The following ARHGEF9 variants were observed in gnomAD, a reference collection of about 807,000 sequenced individuals.
The protein encoded by ARHGEF9 is Cdc42 guanine nucleotide exchange factor 9, also known as rho guanine nucleotide exchange factor 9.
Under a neutral mutation model 41.3 loss-of-function variants are expected in ARHGEF9, and 2 were observed. The ratio of observed to expected loss-of-function variants is 0.05; its 90% confidence interval spans 0.02 to 0.15. The LOEUF is 0.15. Among genes scored for constraint, ARHGEF9 ranks in the 10% least tolerant of loss-of-function variants. The probability of loss-of-function intolerance (pLI) is 1.00; values close to 1 mark genes in which losing one functional copy is unlikely to be tolerated. For synonymous variants in ARHGEF9, 160 were observed against 154.4 expected (o/e 1.04, Z -0.27); for missense variants, 225 against 424.7 (o/e 0.53, Z 4.13).
intron 1 of ARHGEF9, chrX:63,767,315 C>T: frequency 1.4e-6 from 1 of 689,959 alleles, no homozygotes; most frequent in Non-Finnish European, 2.3e-6. Flanking sequence ...TTTGATGAGG[C>T]TTCCAAGAAT....
At chrX:63,758,815 T>C (rs2055978817) in intron 1 of ARHGEF9, among the ~76,000 whole-genome samples, 1 of 112,292 alleles carries the variant, frequency 8.9e-6, no homozygotes, top group African/African-American at 3.2e-5. Flanking sequence ...TAAACTGTAT[T>C]GTATTTTTTT....
chrX:63,779,521 C>T (rs1164252709), intron 1 of ARHGEF9, among the ~76,000 whole-genome samples: 1 of 111,453 alleles, frequency 9.0e-6, no homozygotes, highest in East Asian at 2.8e-4. Flanking sequence ...ATTTGATTAC[C>T]TTCCCCCAGG....
In ARHGEF9 at chrX:63,636,551, T is replaced by C. The variant is rs1268498052; in HGVS notation, c.*1477A>G. The C allele has an allele frequency of 6.2e-6, 1 of 161,429 alleles. No homozygotes were observed. Among genetic ancestry groups the C allele is most frequent in the Non-Finnish European group, 1.2e-5 (1 of 85,969 alleles). The allele number at this position is 161,429 out of a possible 1,213,427, so 13.3% of individuals were successfully genotyped here. A position where few individuals can be genotyped will look rare whatever the true frequency, so the allele number is the denominator to read the frequency against. ...CCCCAAATGTCCTGGGATGAGAGGA[T>C]GTTGGAAACACGGCCTTCTTTGAGT... is the stretch of plus-strand genomic sequence containing the variant. On this transcript the variant is annotated 3_prime_UTR_variant, in exon 10 of 10. Coordinates refer to ENST00000671741, the MANE Select transcript of ARHGEF9 (RefSeq NM_001353921.2).
rs1338083128 is a variant in ARHGEF9, at chrX:63,644,455, TA to T, written c.1322-408del. On this transcript the variant is annotated intron_variant, in intron 8 of 9. Transcript: ENST00000671741. ...AATGTATATATAGATTATAAAAGTT[TA>T]AGAAGGAGGAAAAAATCAAATGGAA... is the stretch of plus-strand genomic sequence containing the variant. Among the ~76,000 whole-genome samples, 3 of 110,905 alleles carry T rather than the reference TA, an allele frequency of 2.7e-5. No individual in the cohort carries two copies. The Admixed American group carries it at 2.9e-4, about 11-fold the overall frequency.
chrX:63,728,625 T>C (rs191390678), intron 1 of ARHGEF9, among the ~76,000 whole-genome samples: 2 of 112,135 alleles, frequency 1.8e-5, no homozygotes, highest in East Asian at 5.6e-4. Flanking sequence ...CTATACAACC[T>C]TGGGTCTCAG....
intron 2 of ARHGEF9, among the ~76,000 whole-genome samples, chrX:63,707,859 C>T (rs1188239853): frequency 9.0e-6 from 1 of 111,563 alleles, no homozygotes; most frequent in Non-Finnish European, 1.9e-5. Flanking sequence ...GATTACCACT[C>T]AGTGAACTTA....
intron 2 of ARHGEF9, among the ~76,000 whole-genome samples, chrX:63,717,133 G>A (rs1556410662): frequency 9.0e-6 from 1 of 111,659 alleles, no homozygotes; most frequent in Non-Finnish European, 1.9e-5. Context: ...TATTATTATG[G>A]CTTTTTTCCC....
intron 8 of ARHGEF9, among the ~76,000 whole-genome samples, chrX:63,653,475 T>C (rs1403919566): frequency 1.8e-5 from 2 of 111,758 alleles, no homozygotes; most frequent in Admixed American, 1.9e-4. Context: ...CTCCTACAGG[T>C]TATGCCTCTT....
chrX:63,674,549 G>A, intron 5 of ARHGEF9, among the ~76,000 whole-genome samples: 1 of 111,575 alleles, frequency 9.0e-6, no homozygotes, highest in Non-Finnish European at 1.9e-5. Context: ...ATTCAGGGTG[G>A]GAGACTTTAT....
chrX:63,713,944 T>C (rs1290987147), intron 2 of ARHGEF9, among the ~76,000 whole-genome samples: 2 of 111,866 alleles, frequency 1.8e-5, no homozygotes, highest in African/African-American at 3.3e-5. Flanking sequence ...ATAAGAAGGC[T>C]GCTAACAAAT....
In ARHGEF9 at chrX:63,724,570, C is replaced by T. The variant is rs374489713; in HGVS notation, c.172G>A (p.Asp58Asn). 5.0e-6 allele frequency: 6 copies of T among 1,209,035 alleles called. No homozygotes were observed. Among genetic ancestry groups the T allele is most frequent in the East Asian group, 3.0e-5 (1 of 33,700 alleles). The change falls in exon 2 of 10, where the codon GAC (aspartate) becomes AAC (asparagine). Residue 58 changes from aspartate to asparagine, a missense_variant. By Grantham distance (23) the Asp-to-Asn change is conservative. This residue lies in a region of ARHGEF9 where 114 missense variants were observed against 197.9 expected (regional missense o/e 0.58). Coordinates refer to ENST00000671741, the MANE Select transcript of ARHGEF9 (RefSeq NM_001353921.2). ...SNKDWWWGQIDDEEGWFPASF... is the reference protein window; with the variant it reads ...SNKDWWWGQINDEEGWFPASF... ...GCAGGAAACCATCCCTCCTCATCGT[C>T]GATCTGGCCCCACCACCAATCCTTG...
At chrX:63,678,733 C>G (rs1169164696) in intron 4 of ARHGEF9, among the ~76,000 whole-genome samples, 161 bp from the exon 5 acceptor site, 1 of 111,985 alleles carries the variant, frequency 8.9e-6, no homozygotes, top group Admixed American at 9.4e-5. Context: ...AATATCAAAA[C>G]AAATTATTCA....
At chrX:63,732,013 T>G (rs1291041894) in intron 1 of ARHGEF9, 1 of 111,810 alleles carries the variant, frequency 8.9e-6, no homozygotes, top group Non-Finnish European at 1.9e-5. Context: ...CACCCTTCTT[T>G]GTGCTTGATA....
chrX:63,735,930 C>T (rs781905670), intron 1 of ARHGEF9, among the ~76,000 whole-genome samples: 1 of 112,140 alleles, frequency 8.9e-6, no homozygotes, highest in African/African-American at 3.2e-5. Context: ...AGAGAAAAGA[C>T]ATCCAGCCAA....
At chrX:63,715,582 C>G (rs782195354) in intron 2 of ARHGEF9, among the ~76,000 whole-genome samples, 1 of 112,239 alleles carries the variant, frequency 8.9e-6, no homozygotes, top group Admixed American at 9.4e-5. Flanking sequence ...TCTGATCCTC[C>G]AGGATAGTAC....
At chrX:63,753,825 C>T (rs1192138283) in intron 1 of ARHGEF9, among the ~76,000 whole-genome samples, 10 of 112,023 alleles carry the variant, frequency 8.9e-5, no homozygotes, top group Non-Finnish European at 1.9e-4. Context: ...CAGTCACCAA[C>T]TGCCAGCACA....
rs2047249739 is a variant in ARHGEF9 at position 63,635,093 on chromosome X, T to A, written c.*2935A>T. On this transcript the variant is annotated 3_prime_UTR_variant, in exon 10 of 10. Transcript: ENST00000671741. Reference sequence around the variant, plus strand: ...CACTTGTTTGACAGAGTCAGTCAGATAAAAGAAACAAAAGAATAAACTGGC... The same window carrying A: ...CACTTGTTTGACAGAGTCAGTCAGAAAAAAGAAACAAAAGAATAAACTGGC... The A allele has an allele frequency of 9.1e-6, 3 of 328,042 alleles. No individual in the cohort carries two copies. Among genetic ancestry groups the A allele is most frequent in the Admixed American group, 6.2e-5 (1 of 16,132 alleles). 27.0% of individuals were successfully genotyped at this position (328,042 alleles called of 1,213,427 possible).
In ARHGEF9 at chrX:63,665,979, G is replaced by A; in HGVS notation, c.984C>T (p.Tyr328=). ...DILDRSSELI[Y]TGEMAWIYQP... ...GGTAGATCCAGGCCATCTCCCCAGT[G>A]TAGATCAGCTCCGAGCTCCTGTCTA... is the stretch of plus-strand genomic sequence containing the variant. Residue 328 remains tyrosine (Y), a synonymous_variant, in exon 7 of 10, where the codon TAC becomes TAT. Coordinates refer to ENST00000671741, the MANE Select transcript of ARHGEF9 (RefSeq NM_001353921.2). 1 of 1,210,046 alleles carries A rather than the reference G, an allele frequency of 8.3e-7. No individual in the cohort carries two copies. The highest frequency in any genetic ancestry group is 1.1e-6 in the Non-Finnish European group (1 of 895,270).
intron 8 of ARHGEF9, chrX:63,644,414 G>T (rs1180775366): frequency 1.6e-5 from 2 of 123,699 alleles, no homozygotes; most frequent in African/African-American, 3.2e-5. Context: ...TGAGGCAAAA[G>T]ATAATTCAAA....
Sources: gnomAD v4.1 joint callset for allele counts (sites outside exome capture counted in the v4.1 genomes callset) on GRCh38, gnomAD v4.1.1 for gene constraint, gnomAD v4.1.1 regional missense constraint, MANE v1.5 for transcripts, NCBI Gene and HGNC (gene_info 2026-07-23, HGNC 2026-07-21) for gene names.